Variants in UCK2 observed in about 807,000 individuals in gnomAD.
UCK2 encodes cytidine monophosphokinase 2.
In UCK2, 6 loss-of-function variants were observed where a neutral mutation model predicts 30.8. The observed-to-expected ratio is 0.19, with a 90% CI of 0.11 to 0.38. The LOEUF (loss-of-function observed/expected upper bound fraction) is 0.38. Among genes scored for constraint, UCK2 ranks in the 10% least tolerant of loss-of-function variants. The probability of loss-of-function intolerance (pLI) is 1.00; values close to 1 mark genes in which losing one functional copy is unlikely to be tolerated. For missense variants in UCK2, 210 were observed against 339.8 expected, an observed-to-expected ratio of 0.62 and a Z score of 3.00; for synonymous variants, 125 against 133.6, an observed-to-expected ratio of 0.94 and a Z score of 0.45.
chr1:165,891,913 G>C (rs2101882235), intron 3 of UCK2, among the ~76,000 whole-genome samples: 1 of 151,984 alleles, frequency 6.6e-6, no homozygotes, highest in African/African-American at 2.4e-5. Context: ...GATGGGAATG[G>C]GCTCCTAGAA....
At chr1:165,870,508 A>G (rs1200985849) in intron 1 of UCK2, among the ~76,000 whole-genome samples, 1 of 151,638 alleles carries the variant, frequency 6.6e-6, no homozygotes, top group African/African-American at 2.4e-5. Context: ...TTAATATGTG[A>G]ATGAAGATAC....
intron 3 of UCK2, chr1:165,895,380 A>C (rs2101884124): frequency 1.4e-6 from 1 of 712,398 alleles, no homozygotes; most frequent in Admixed American, 6.3e-5. Flanking sequence ...GCGCCGCTGC[A>C]CTCCAGCCTC....
intron 4 of UCK2, among the ~76,000 whole-genome samples, chr1:165,902,170 A>C (rs970198426): frequency 3.9e-5 from 6 of 152,092 alleles, no homozygotes; most frequent in Admixed American, 3.3e-4. Context: ...CCAGAGGCAG[A>C]GGTTGTAGTG....
intron 1 of UCK2, among the ~76,000 whole-genome samples, chr1:165,831,446 G>T (rs1432041735): frequency 6.6e-6 from 1 of 152,226 alleles, no homozygotes; most frequent in East Asian, 1.9e-4. Flanking sequence ...AACACTAAAA[G>T]GTGGAAAAAA....
intron 1 of UCK2, among the ~76,000 whole-genome samples, chr1:165,858,354 C>A (rs760078461): frequency 4.6e-5 from 7 of 152,098 alleles, no homozygotes; most frequent in Non-Finnish European, 7.4e-5. Context: ...CCTGTGCCTC[C>A]TATGTGTGTA....
intron 1 of UCK2, among the ~76,000 whole-genome samples, chr1:165,866,229 T>C (rs576286121): frequency 2.5e-4 from 38 of 152,326 alleles, no homozygotes; most frequent in African/African-American, 9.1e-4. Context: ...TTGATTTTTT[T>C]TGAAAGTATT....
chr1:165,872,266 G>T (rs1655214918), intron 1 of UCK2, among the ~76,000 whole-genome samples: 1 of 152,102 alleles, frequency 6.6e-6, no homozygotes. Flanking sequence ...GTAGAGACGG[G>T]GTTTTGCCAT....
rs560152725 is a variant in UCK2, at chr1:165,846,061, G to A, written c.99+18129G>A. Among the ~76,000 whole-genome samples the A allele has an allele frequency of 2.6e-5, 4 of 152,298 alleles. No homozygotes were observed. The East Asian group carries it at 5.8e-4, about 22-fold the overall frequency. On this transcript the variant is annotated intron_variant, in intron 1 of 6. Transcript: ENST00000367879. ...AATTCCAGTGCTTTGGGAGGCCGAG[G>A]TGGGATGATCACTTGAGCCCAGGAG...
rs995186128 is a variant in UCK2 at position 165,909,633 on chromosome 1, A to T, written c.*1810A>T. 1.4e-4 allele frequency: 21 copies of T among 152,428 alleles called. No individual in the cohort carries two copies. Among genetic ancestry groups the T allele is most frequent in the African/African-American group, 5.0e-4 (21 of 41,594 alleles). 9.4% of individuals were successfully genotyped at this position (152,428 alleles called of 1,614,324 possible). Reference sequence around the variant, plus strand: ...GGCTCTGAAGGGAGCTCCCAGTCACAGCAGCCGCCTACTTGGAGCAAGGGA... The same window carrying T: ...GGCTCTGAAGGGAGCTCCCAGTCACTGCAGCCGCCTACTTGGAGCAAGGGA... On this transcript the variant is annotated 3_prime_UTR_variant, in exon 7 of 7. Coordinates refer to ENST00000367879, the MANE Select transcript of UCK2 (RefSeq NM_012474.5).
At chr1:165,838,835 G>A (rs1043078220) in intron 1 of UCK2, among the ~76,000 whole-genome samples, 1 of 151,988 alleles carries the variant, frequency 6.6e-6, no homozygotes, top group South Asian at 2.1e-4. Context: ...GTCATCTGAG[G>A]TCAGGAGGTC....
At chr1:165,834,630 A>C (rs890805989) in intron 1 of UCK2, among the ~76,000 whole-genome samples, 1 of 152,226 alleles carries the variant, frequency 6.6e-6, no homozygotes, top group South Asian at 2.1e-4. Context: ...AATTTTGAAC[A>C]ATGACAGAAG....
chr1:165,828,950 G>T (rs1653969211), intron 1 of UCK2, among the ~76,000 whole-genome samples: 1 of 152,170 alleles, frequency 6.6e-6, no homozygotes, highest in Non-Finnish European at 1.5e-5. Context: ...GTGCTGGTTT[G>T]GAGAGGCAGG....
Position 165,890,373 on chromosome 1 carries a change from G to T in UCK2, c.259+10G>T, listed in dbSNP as rs377297006. 10 of 1,613,470 alleles carry T rather than the reference G, an allele frequency of 6.2e-6. No individual in the cohort carries two copies. Among genetic ancestry groups the T allele is most frequent in the East Asian group, 2.2e-5 (1 of 44,850 alleles). On this transcript the variant is annotated intron_variant, in intron 2 of 6. Transcript: ENST00000367879. ...AACTTTGACCACCCGGGTGAGTCGG[G>T]CATTGAAGGGGGTATGTATCTGTAT...
chr1:165,838,825 G>A (rs1315394743), intron 1 of UCK2, among the ~76,000 whole-genome samples: 1 of 151,880 alleles, frequency 6.6e-6, no homozygotes, highest in East Asian at 1.9e-4. Flanking sequence ...GGATGGGCAG[G>A]TCATCTGAGG....
At position 165,827,792 on chromosome 1, in the gene UCK2, C is replaced by T. The variant is rs1653925545; in HGVS notation, c.-42C>T. The T allele has an allele frequency of 1.5e-6, 2 of 1,346,388 alleles. No homozygotes were observed. The highest frequency in any genetic ancestry group is 1.5e-5 in the African/African-American group (1 of 66,408). The allele number at this position is 1,346,388 out of a possible 1,614,324, so 83.4% of individuals were successfully genotyped here. A position where few individuals can be genotyped will look rare whatever the true frequency, so the allele number is the denominator to read the frequency against. On this transcript the variant is annotated 5_prime_UTR_variant, in exon 1 of 7. Transcript: ENST00000367879. ...GACGCGGGCGCGGGCGGGGAGCGTG[C>T]GTCCGTTCGCACAGGCAGCGGGAGG...
At chr1:165,895,329 G>T (rs1048110412) in intron 3 of UCK2, among the ~76,000 whole-genome samples, 1 of 152,146 alleles carries the variant, frequency 6.6e-6, no homozygotes, top group Non-Finnish European at 1.5e-5. Flanking sequence ...CGGGAGGATC[G>T]CCTGAGCCTG....
At chr1:165,854,940 T>A (rs1248579640) in intron 1 of UCK2, among the ~76,000 whole-genome samples, 2 of 152,214 alleles carry the variant, frequency 1.3e-5, no homozygotes, top group African/African-American at 4.8e-5. Context: ...GTTTGAATAA[T>A]TAAATAAATT....
chr1:165,836,594 A>G (rs1654199365), intron 1 of UCK2, among the ~76,000 whole-genome samples: 1 of 152,200 alleles, frequency 6.6e-6, no homozygotes, highest in Admixed American at 6.5e-5. Context: ...TGTAAAAGGA[A>G]TTGTTATTCA....
chr1:165,903,045 CA>C, intron 4 of UCK2, 136 bp from the exon 5 acceptor site: 1 of 647,898 alleles, frequency 1.5e-6, no homozygotes, highest in East Asian at 2.7e-5. Flanking sequence ...TGCTCTTGGT[CA>C]AGCCTCTCAG....
Sources: gnomAD v4.1 joint callset for allele counts (sites outside exome capture counted in the v4.1 genomes callset) on GRCh38, gnomAD v4.1.1 for gene constraint, MANE v1.5 for transcripts, NCBI Gene and HGNC (gene_info 2026-07-23, HGNC 2026-07-21) for gene names.